PKHD1: variants seen among roughly 807,000 people sequenced by gnomAD.
PKHD1 encodes the protein PKHD1 ciliary IPT domain containing fibrocystin/polyductin.
In PKHD1, 291 loss-of-function variants were observed where a neutral mutation model predicts 412.0. The ratio of observed to expected loss-of-function variants is 0.71; its 90% confidence interval spans 0.64 to 0.78. The LOEUF is 0.78. PKHD1 is among the 30% of genes least tolerant of loss of function. PKHD1 has a pLI of 0.00. For synonymous variants in PKHD1, 1,777 were observed against 1,821.5 expected (o/e 0.98, Z 0.62); for missense variants, 4,825 against 4,950.7 (o/e 0.97, Z 0.76).
At position 51,885,855 on chromosome 6, in the gene PKHD1, A is replaced by C; in HGVS notation, c.7215+12T>G. The C allele has an allele frequency of 6.4e-7, 1 of 1,558,280 alleles. No homozygotes were observed. Among genetic ancestry groups the C allele is most frequent in the South Asian group, 1.1e-5 (1 of 88,998 alleles). On this transcript the variant is annotated intron_variant, in intron 45 of 66. Transcript: ENST00000371117. The stretch of plus-strand genomic sequence containing the variant: ...AAACAACAACAATAACAACAACAAC[A>C]AAAAAGCTTACCTGGGCACCACCTG...
At chr6:52,070,326 TAAAG>T (rs1454719768) in intron 10 of PKHD1, 76 bp downstream of exon 10, 5 of 912,530 alleles carry the variant, frequency 5.5e-6, no homozygotes, top group East Asian at 2.4e-5. Flanking sequence ...CATAAAAAGA[TAAAG>T]AAAGTAAGCA....
At position 52,058,620 on chromosome 6, in the gene PKHD1, A is replaced by G. The variant is rs1340295806; in HGVS notation, c.1234-19T>C. Reference sequence around the variant, plus strand: ...CTTTCACCTATGCCCAAATAAGCATATCATGATCAATACTATGCAGCTTCC... The same window carrying G: ...CTTTCACCTATGCCCAAATAAGCATGTCATGATCAATACTATGCAGCTTCC... On this transcript the variant is annotated intron_variant, in intron 15 of 66. Coordinates refer to ENST00000371117, the MANE Select transcript of PKHD1 (RefSeq NM_138694.4). The G allele has an allele frequency of 6.2e-7, 1 of 1,612,042 alleles. No homozygotes were observed.
At chr6:52,049,214 T>C (rs1440073056) in intron 22 of PKHD1, among the ~76,000 whole-genome samples, 2 of 152,246 alleles carry the variant, frequency 1.3e-5, no homozygotes. Context: ...ACACCTAGGC[T>C]ATATGGTATA....
intron 60 of PKHD1, among the ~76,000 whole-genome samples, chr6:51,729,463 T>C (rs1782986750): frequency 1.3e-5 from 2 of 152,192 alleles, no homozygotes; most frequent in Admixed American, 1.3e-4. Flanking sequence ...AGTTTTTCCC[T>C]CTGAGTAGTA....
chr6:51,694,833 T>A (rs1445523477), intron 60 of PKHD1, among the ~76,000 whole-genome samples: 2 of 152,090 alleles, frequency 1.3e-5, no homozygotes. Flanking sequence ...TCACATCACT[T>A]CTGACCCACA....
intron 52 of PKHD1, among the ~76,000 whole-genome samples, chr6:51,823,342 C>T (rs1346296955): frequency 6.6e-6 from 1 of 152,144 alleles, no homozygotes; most frequent in East Asian, 1.9e-4. Context: ...ATGATCTTTA[C>T]ATCCTGGGGA....
intron 60 of PKHD1, among the ~76,000 whole-genome samples, chr6:51,727,317 C>A (rs1458852571): frequency 6.6e-6 from 1 of 152,148 alleles, no homozygotes; most frequent in Non-Finnish European, 1.5e-5. Context: ...CCGCAGCAAC[C>A]TCAATTTCTG....
chr6:51,889,766 C>T (rs1457106123), intron 43 of PKHD1, among the ~76,000 whole-genome samples: 2 of 152,054 alleles, frequency 1.3e-5, no homozygotes, highest in African/African-American at 4.8e-5. Flanking sequence ...GAGAGTAACG[C>T]TAAGGGTTAC....
chr6:51,650,458 A>C (rs188501392), intron 61 of PKHD1, among the ~76,000 whole-genome samples: 1 of 152,008 alleles, frequency 6.6e-6, no homozygotes, highest in Admixed American at 6.6e-5. Context: ...TTATTTATTT[A>C]TTTTTAAAGT....
At chr6:52,050,331 T>C in intron 21 of PKHD1, 36 bp from the exon 22 acceptor site, 2 of 1,610,304 alleles carry the variant, frequency 1.2e-6, no homozygotes, top group Non-Finnish European at 8.5e-7. Flanking sequence ...TCAAGTGACT[T>C]AAGATGGTAG....
At chr6:51,873,363 G>A (rs1164328419) in intron 46 of PKHD1, among the ~76,000 whole-genome samples, 2 of 152,174 alleles carry the variant, frequency 1.3e-5, no homozygotes, top group African/African-American at 2.4e-5. Context: ...TTGCCCTTTG[G>A]CTAGGGCGTG....
At chr6:51,635,184 C>A (rs559936348) in intron 64 of PKHD1, among the ~76,000 whole-genome samples, 32 of 152,240 alleles carry the variant, frequency 2.1e-4, no homozygotes, top group Admixed American at 1.1e-3. Context: ...TCAGTCTCAG[C>A]CTCCCAGAGT....
chr6:52,021,387 C>T (rs554888986), intron 33 of PKHD1, among the ~76,000 whole-genome samples: 2 of 152,160 alleles, frequency 1.3e-5, no homozygotes, highest in South Asian at 2.1e-4. Context: ...AATAATAACA[C>T]GGGGCTTTTA....
chr6:51,702,890 ATTT>A (rs11447702), intron 60 of PKHD1, among the ~76,000 whole-genome samples: 11 of 138,248 alleles, frequency 8.0e-5, no homozygotes, highest in African/African-American at 7.8e-5. Context: ...TCAGAAATCA[ATTT>A]TTTTTTTTTT....
chr6:51,642,465 T>C (rs747946752), intron 63 of PKHD1, among the ~76,000 whole-genome samples: 1 of 152,002 alleles, frequency 6.6e-6, no homozygotes, highest in Non-Finnish European at 1.5e-5. Flanking sequence ...TATGTGTAAG[T>C]TGTGGAATAT....
At chr6:51,892,557 A>C (rs771023739) in intron 43 of PKHD1, among the ~76,000 whole-genome samples, 5 of 152,212 alleles carry the variant, frequency 3.3e-5, no homozygotes, top group Admixed American at 6.5e-5. Context: ...ATATTGACGT[A>C]GTTGAGAAAC....
intron 66 of PKHD1, among the ~76,000 whole-genome samples, chr6:51,620,399 T>G (rs1561970414): frequency 1.3e-5 from 2 of 152,120 alleles, no homozygotes; most frequent in African/African-American, 4.8e-5. Context: ...TTCAGTGGGA[T>G]ACATGCATGG....
chr6:52,009,090 G>A (rs1273714170), intron 35 of PKHD1, among the ~76,000 whole-genome samples: 1 of 152,208 alleles, frequency 6.6e-6, no homozygotes, highest in East Asian at 1.9e-4. Flanking sequence ...GAATAAAGTG[G>A]AAGTGCCACT....
rs368935307 is a variant in PKHD1 at position 51,911,901 on chromosome 6, C to T, written c.6388G>A (p.Ala2130Thr). 6.2e-7 allele frequency: 1 copy of T among 1,611,550 alleles called. No individual in the cohort carries two copies. Among genetic ancestry groups the T allele is most frequent in the Non-Finnish European group, 8.5e-7 (1 of 1,178,118 alleles). The change falls in exon 39 of 67, where the codon GCC becomes ACC. Residue 2130 changes from alanine to threonine, a missense_variant. Coordinates refer to ENST00000371117, the MANE Select transcript of PKHD1 (RefSeq NM_138694.4). The part of the protein sequence containing the change: ...WVAGEHHILK[A>T]TVALLSRSIT... ...CTCCTGCTGAGCAGAGCCACAGTGG[C>T]CTTTAAAATATGGTGCTCTCCAGCC...
Sources: gnomAD v4.1 joint callset for allele counts (sites outside exome capture counted in the v4.1 genomes callset) on GRCh38, gnomAD v4.1.1 for gene constraint, MANE v1.5 for transcripts, NCBI Gene and HGNC (gene_info 2026-07-23, HGNC 2026-07-21) for gene names.